Variants in PIK3C2A observed in about 807,000 individuals in gnomAD.
The protein encoded by PIK3C2A is phosphatidylinositol-4-phosphate 3-kinase catalytic subunit type 2 alpha, also known as phosphatidylinositol 4-phosphate 3-kinase C2 domain-containing subunit alpha.
PIK3C2A carries 97 observed loss-of-function variants against 204.5 expected under a neutral mutation model. The observed-to-expected ratio is 0.47, with a 90% CI of 0.40 to 0.56. The LOEUF (loss-of-function observed/expected upper bound fraction) is 0.56, where lower values mean the gene tolerates loss of function less well. Ranked by LOEUF, PIK3C2A falls within the 20% of genes least tolerant of loss-of-function variation. The pLI, the probability that PIK3C2A is intolerant of heterozygous loss-of-function variation, is 0.00. For missense variants in PIK3C2A, 1,735 were observed against 1,969.2 expected, an observed-to-expected ratio of 0.88 and a Z score of 2.25; for synonymous variants, 653 against 664.4, an observed-to-expected ratio of 0.98 and a Z score of 0.26.
At chr11:17,159,192 T>C (rs1850699573) in intron 2 of PIK3C2A, among the ~76,000 whole-genome samples, 1 of 152,248 alleles carries the variant, frequency 6.6e-6, no homozygotes, top group Non-Finnish European at 1.5e-5. Context: ...AGACTTTCTA[T>C]TTTGTACTGC....
rs551085394 is a variant in PIK3C2A at position 17,191,769 on chromosome 11, T to C, written c.-66+16079A>G. 3.0e-4 allele frequency among the ~76,000 whole-genome samples: 46 copies of C among 152,226 alleles called. No individual in the cohort carries two copies. The South Asian group carries it at 5.0e-3, about 16-fold the overall frequency. On this transcript the variant is annotated intron_variant, in intron 1 of 32. Coordinates refer to ENST00000691414, the MANE Select transcript of PIK3C2A (RefSeq NM_002645.4). ...TATGGAAGACTGTGTCCTCAAACTT[T>C]ACAGTTTAGCTAACTCGGAGAGGAT...
intron 1 of PIK3C2A, among the ~76,000 whole-genome samples, chr11:17,207,112 C>T (rs1852607610): frequency 2.0e-5 from 3 of 152,136 alleles, no homozygotes; most frequent in African/African-American, 7.2e-5. Context: ...AATTCCACAG[C>T]TAGAGAATGT....
chr11:17,119,954 G>C lies in PIK3C2A; in HGVS notation c.2678C>G (p.Ala893Gly). ...ATAATAACGTTTCTCCCATAAAAAAGCTTTATCTTCTTTAGAAAGTCTGCA... is the reference window on the plus strand; with the variant it reads ...ATAATAACGTTTCTCCCATAAAAAACCTTTATCTTCTTTAGAAAGTCTGCA... ...SSLGLSKEDK[A>G]FLWEKRYYCF... Residue 893 changes from alanine (A) to glycine (G), a missense_variant, in exon 16 of 33, where the codon GCT becomes GGT. Ala to Gly is a moderately conservative substitution (Grantham distance 60). Transcript: ENST00000691414. 6.3e-7 allele frequency: 1 copy of C among 1,575,840 alleles called. No homozygotes were observed. Among genetic ancestry groups the C allele is most frequent in the Non-Finnish European group, 8.7e-7 (1 of 1,151,144 alleles).
At chr11:17,197,146 G>A (rs961839478) in intron 1 of PIK3C2A, among the ~76,000 whole-genome samples, 4 of 152,004 alleles carry the variant, frequency 2.6e-5, no homozygotes, top group African/African-American at 7.2e-5. Context: ...TCAGCCTCCT[G>A]AGTAGCTGGG....
chr11:17,173,899 T>C (rs1590994835), intron 1 of PIK3C2A, among the ~76,000 whole-genome samples: 2 of 152,074 alleles, frequency 1.3e-5, no homozygotes. Context: ...GCCTCCTGGG[T>C]TCAAGCGATT....
chr11:17,133,240 T>C (rs899346185), intron 11 of PIK3C2A, among the ~76,000 whole-genome samples: 1 of 152,148 alleles, frequency 6.6e-6, no homozygotes, highest in African/African-American at 2.4e-5. Context: ...TCCCTATGTA[T>C]ATTTGTGTGT....
At chr11:17,153,239 T>C (rs1289726288) in intron 3 of PIK3C2A, among the ~76,000 whole-genome samples, 1 of 151,878 alleles carries the variant, frequency 6.6e-6, no homozygotes, top group Non-Finnish European at 1.5e-5. Context: ...CAAGACCAGC[T>C]TGGCCAATGT....
chr11:17,171,247 T>C (rs537877206), intron 1 of PIK3C2A, among the ~76,000 whole-genome samples: 8 of 152,346 alleles, frequency 5.3e-5, no homozygotes, highest in South Asian at 2.1e-4. Context: ...GTGCCTCTCA[T>C]TGGCCTTGGG....
intron 6 of PIK3C2A, 152 bp downstream of exon 6, chr11:17,147,365 C>T (rs574350554): frequency 3.5e-6 from 2 of 579,502 alleles, no homozygotes; most frequent in Admixed American, 6.4e-5. Flanking sequence ...TGAACATCTC[C>T]CCTCATTTGC....
At chr11:17,161,303 T>C (rs554108620) in intron 2 of PIK3C2A, among the ~76,000 whole-genome samples, 2 of 152,368 alleles carry the variant, frequency 1.3e-5, no homozygotes, top group African/African-American at 2.4e-5. Context: ...AAGAAACTTA[T>C]ATTTACTGTT....
At chr11:17,138,063 G>A in intron 8 of PIK3C2A, 1 of 665,864 alleles carries the variant, frequency 1.5e-6, no homozygotes, top group Non-Finnish European at 2.8e-6. Context: ...GCTTGATCCT[G>A]TCACTAACAC....
In PIK3C2A at chr11:17,121,271, C is replaced by T. The variant is rs934376865; in HGVS notation, c.2657+917G>A. On this transcript the variant is annotated intron_variant, in intron 15 of 32. Transcript: ENST00000691414. ...TCGCTAGGACTACAGATGCACAACACTGTGCCTGGCTACTTTTAATTTTTT... is the reference window on the plus strand; with the variant it reads ...TCGCTAGGACTACAGATGCACAACATTGTGCCTGGCTACTTTTAATTTTTT... Among the ~76,000 whole-genome samples the T allele has an allele frequency of 4.6e-5, 7 of 152,184 alleles. No individual in the cohort carries two copies. In the South Asian group the frequency reaches 6.2e-4, roughly 14 times the overall value.
intron 11 of PIK3C2A, among the ~76,000 whole-genome samples, chr11:17,133,554 TTTATAG>T (rs1432786118): frequency 7.9e-5 from 12 of 152,356 alleles, no homozygotes; most frequent in African/African-American, 2.9e-4. Flanking sequence ...AGTAGACTTT[TTTATAG>T]CATTAAGCTA....
chr11:17,133,651 G>A (rs1475131098), intron 11 of PIK3C2A, among the ~76,000 whole-genome samples: 2 of 152,054 alleles, frequency 1.3e-5, no homozygotes, highest in Non-Finnish European at 2.9e-5. Flanking sequence ...CTGGCGGCTG[G>A]GTGTGGTGAC....
intron 8 of PIK3C2A, among the ~76,000 whole-genome samples, chr11:17,142,111 G>A (rs1850081975): frequency 6.6e-6 from 1 of 152,146 alleles, no homozygotes. Context: ...GAAAGGAAAG[G>A]TCGATGGATG....
intron 30 of PIK3C2A, 117 bp downstream of exon 30, chr11:17,091,879 T>A: frequency 1.3e-6 from 1 of 763,746 alleles, no homozygotes; most frequent in East Asian, 2.4e-5. Flanking sequence ...GAAAGAATAC[T>A]CTCCTCCCAT....
rs769955754 is a variant in PIK3C2A, at chr11:17,134,862, T to C, written c.2065A>G (p.Thr689Ala). 6.8e-6 allele frequency: 11 copies of C among 1,614,164 alleles called. No individual in the cohort carries two copies. In the South Asian group the frequency reaches 1.2e-4, roughly 18 times the overall value. Residue 689 changes from threonine to alanine, a missense_variant, in exon 11 of 33, where the codon ACT (threonine) becomes GCT (alanine). Thr to Ala is a moderately conservative substitution (Grantham distance 58). Transcript: ENST00000691414. ...GAAATTCCATGAGCAGCAAAAATAG[T>C]AAACTGGAGCTGCTCTGTTGTAGTC... ...AWTTTEQLQF[T>A]IFAAHGISSN...
At chr11:17,132,608 C>T (rs1590944710) in intron 11 of PIK3C2A, among the ~76,000 whole-genome samples, 1 of 151,990 alleles carries the variant, frequency 6.6e-6, no homozygotes, top group South Asian at 2.1e-4. Flanking sequence ...GGATTACAGG[C>T]GTGAGCCACC....
At chr11:17,125,472 TATTCTA>T (rs1056667407) in intron 13 of PIK3C2A, among the ~76,000 whole-genome samples, 8 of 152,146 alleles carry the variant, frequency 5.3e-5, no homozygotes, top group African/African-American at 9.7e-5. Context: ...AAAATTATAA[TATTCTA>T]ATTCTATCAT....
Sources: allele counts gnomAD v4.1 joint callset (sites outside exome capture counted in the v4.1 genomes callset), GRCh38; gene constraint gnomAD v4.1.1; transcripts MANE v1.5; gene names NCBI Gene and HGNC (gene_info 2026-07-23, HGNC 2026-07-21).